MUC17: variants seen among roughly 807,000 people sequenced by gnomAD.
MUC17 encodes mucin 17, cell surface associated.
In MUC17, 190 loss-of-function variants were observed where a neutral mutation model predicts 170.3. The ratio of observed to expected loss-of-function variants is 1.12; its 90% confidence interval spans 0.99 to 1.26. MUC17 has a LOEUF of 1.26. Among genes scored for constraint, MUC17 ranks in the 50% most tolerant of loss-of-function variants. The probability of loss-of-function intolerance (pLI) is 0.00; values close to 1 mark genes in which losing one functional copy is unlikely to be tolerated. For missense variants in MUC17, 6,415 were observed against 5,530.0 expected (o/e 1.16, Z -5.08); for synonymous variants, 2,325 against 2,002.5 (o/e 1.16, Z -4.30).
Position 101,034,657 on chromosome 7 carries a change from T to C in MUC17, c.3241T>C (p.Ser1081Pro). Reference protein sequence around the residue: ...TPVTTYSQASSSSTTADGTSM... With the variant: ...TPVTTYSQASPSSTTADGTSM... Reference sequence around the variant, plus strand: ...TGTGACCACTTATTCTCAAGCCAGTTCATCTTCTACAACTGCTGACGGTAC... The same window carrying C: ...TGTGACCACTTATTCTCAAGCCAGTCCATCTTCTACAACTGCTGACGGTAC... The change falls in exon 3 of 13, where the codon TCA becomes CCA. Residue 1081 changes from serine (S) to proline (P), a missense_variant. Physicochemically the swap from Ser to Pro is moderately conservative, Grantham distance 74. Coordinates refer to ENST00000306151, the MANE Select transcript of MUC17 (RefSeq NM_001040105.2). The C allele has an allele frequency of 6.2e-7, 1 of 1,607,006 alleles. No homozygotes were observed. Among genetic ancestry groups the C allele is most frequent in the East Asian group, 2.3e-5 (1 of 44,432 alleles).
chr7:101,035,812 C>T lies in MUC17; in HGVS notation c.4396C>T (p.Pro1466Ser). 2 of 1,603,244 alleles carry T rather than the reference C, an allele frequency of 1.2e-6. No individual in the cohort carries two copies. The highest frequency in any genetic ancestry group is 1.7e-6 in the Non-Finnish European group (2 of 1,174,222). The stretch of plus-strand genomic sequence containing the variant: ...AAAAAGTATACCTGTCAGCAACACG[C>T]CGGTGGCCAATTCTGAGGCTAGCAC... ...PLKSIPVSNTPVANSEASTLS... is the reference protein window; with the variant it reads ...PLKSIPVSNTSVANSEASTLS... The change falls in exon 3 of 13, where the codon CCG becomes TCG. Residue 1466 changes from proline to serine, a missense_variant. Pro to Ser is a moderately conservative substitution (Grantham distance 74, BLOSUM62 -1). Coordinates refer to ENST00000306151, the MANE Select transcript of MUC17 (RefSeq NM_001040105.2).
chr7:101,042,449 C>T lies in MUC17; in HGVS notation c.11033C>T (p.Thr3678Ile), dbSNP rs1794743307. 6.2e-7 allele frequency: 1 copy of T among 1,614,082 alleles called. No homozygotes were observed. The highest frequency in any genetic ancestry group is 8.5e-7 in the Non-Finnish European group (1 of 1,179,964). ...ACCCAAGTCAGTTCATCTCCTGTGACTCCTGAAGGTACCACCATGCCAATC... is the reference window on the plus strand; with the variant it reads ...ACCCAAGTCAGTTCATCTCCTGTGATTCCTGAAGGTACCACCATGCCAATC... Reference protein sequence around the residue: ...TSTQVSSSPVTPEGTTMPIWT... With the variant: ...TSTQVSSSPVIPEGTTMPIWT... Residue 3678 changes from threonine (T) to isoleucine (I), a missense_variant, in exon 3 of 13, where the codon ACT (threonine) becomes ATT (isoleucine). Transcript: ENST00000306151.
In MUC17 at chr7:101,043,668, G is replaced by A; in HGVS notation, c.12252G>A (p.Val4084=). Residue 4084 remains valine (V), a synonymous_variant, in exon 3 of 13, where the codon GTG becomes GTA. Transcript: ENST00000306151. ...PPTTSASSTT[V]NPEAVTTMTT... ...CAACCTCTGCCTCCTCCACGACTGT[G>A]AACCCTGAGGCTGTCACCACCATGA... is the stretch of plus-strand genomic sequence containing the variant. 1 of 1,613,968 alleles carries A rather than the reference G, an allele frequency of 6.2e-7. No individual in the cohort carries two copies. The highest frequency in any genetic ancestry group is 8.5e-7 in the Non-Finnish European group (1 of 1,180,004).
Position 101,033,018 on chromosome 7 carries a change from T to G in MUC17, c.1602T>G (p.Thr534=). ...ASSEASTLST[T]PVDTSTPVTT... ...CTGAGGCTAGCACCCTTTCAACAACTCCTGTTGACACCAGCACACCTGTGA... is the reference window on the plus strand; with the variant it reads ...CTGAGGCTAGCACCCTTTCAACAACGCCTGTTGACACCAGCACACCTGTGA... Residue 534 remains threonine, a synonymous_variant, in exon 3 of 13, where the codon ACT becomes ACG. Coordinates refer to ENST00000306151, the MANE Select transcript of MUC17 (RefSeq NM_001040105.2). 1 of 1,613,714 alleles carries G rather than the reference T, an allele frequency of 6.2e-7. No individual in the cohort carries two copies. Among genetic ancestry groups the G allele is most frequent in the Non-Finnish European group, 8.5e-7 (1 of 1,179,982 alleles).
chr7:101,026,158 T>C (rs889783271), intron 1 of MUC17, among the ~76,000 whole-genome samples: 8 of 152,158 alleles, frequency 5.3e-5, no homozygotes, highest in Non-Finnish European at 1.2e-4. Flanking sequence ...TCCCACCTCT[T>C]AGGGGTCAGT....
rs142381993 is a variant in MUC17 at position 101,045,640 on chromosome 7, G to A, written c.12403+1821G>A. ...ACTCCTGTCCTCAGGTGATCCACCCGCCTCAGCTTCCCAAAGTGTTAGGAT... is the reference window on the plus strand; with the variant it reads ...ACTCCTGTCCTCAGGTGATCCACCCACCTCAGCTTCCCAAAGTGTTAGGAT... On this transcript the variant is annotated intron_variant, in intron 3 of 12. Coordinates refer to ENST00000306151, the MANE Select transcript of MUC17 (RefSeq NM_001040105.2). Among the ~76,000 whole-genome samples, 438 of 152,186 alleles carry A rather than the reference G, an allele frequency of 2.9e-3. 4 individuals are homozygous for A. The highest frequency in any genetic ancestry group is 9.9e-3 in the African/African-American group (410 of 41,542).
chr7:101,045,105 CAT>C (rs1794815196), intron 3 of MUC17, among the ~76,000 whole-genome samples: 1 of 152,168 alleles, frequency 6.6e-6, no homozygotes, highest in African/African-American at 2.4e-5. Flanking sequence ...TTATATGAAT[CAT>C]GTAATATACT....
rs1794485111 is a variant in MUC17 at position 101,036,526 on chromosome 7, A to G, written c.5110A>G (p.Ser1704Gly). ...SITVRTTPVA[S>G]SAISTLSTTP... is the part of the protein sequence containing the mutation. The stretch of plus-strand genomic sequence containing the variant: ...AACTGTCAGAACAACACCGGTGGCC[A>G]GCTCTGCAATCAGCACCCTTTCAAC... The change falls in exon 3 of 13, where the codon AGC becomes GGC. Residue 1704 changes from serine (S) to glycine (G), a missense_variant. By Grantham distance (56) the Ser-to-Gly change is moderately conservative. Coordinates refer to ENST00000306151, the MANE Select transcript of MUC17 (RefSeq NM_001040105.2). 11 of 1,610,778 alleles carry G rather than the reference A, an allele frequency of 6.8e-6. No homozygotes were observed. The East Asian group carries it at 2.5e-4, about 36-fold the overall frequency.
Position 101,038,619 on chromosome 7 carries a change from T to TG in MUC17, c.7204dup (p.Val2402GlyfsTer12). ...GTGAAGGAAGCACTCCACTAACAAG[T>TG]GTGCCTGTCAGCACCATGCCGGTGG... is the stretch of plus-strand genomic sequence containing the variant. On this transcript the variant is annotated frameshift_variant, in exon 3 of 13. Coordinates refer to ENST00000306151, the MANE Select transcript of MUC17 (RefSeq NM_001040105.2). LOFTEE classifies it high-confidence loss of function. 1 of 1,614,144 alleles carries TG rather than the reference T, an allele frequency of 6.2e-7. No homozygotes were observed. The highest frequency in any genetic ancestry group is 8.5e-7 in the Non-Finnish European group (1 of 1,180,028).
rs146463150 is a variant in MUC17, at chr7:101,022,741, G to T, written c.82+2524G>T. Among the ~76,000 whole-genome samples the T allele has an allele frequency of 3.7e-3, 561 of 152,186 alleles. 4 individuals carry two copies. The highest frequency in any genetic ancestry group is 0.013 in the African/African-American group (530 of 41,534). On this transcript the variant is annotated intron_variant, in intron 1 of 12. Coordinates refer to ENST00000306151, the MANE Select transcript of MUC17 (RefSeq NM_001040105.2). The stretch of plus-strand genomic sequence containing the variant: ...TGAGGTGGGAGGACTGCTTGAGCCT[G>T]GGAGGTCGAGGCTGCAGTGAGCTGT...
rs180799111 is a variant in MUC17, at chr7:101,036,603, A to T, written c.5187A>T (p.Ser1729=). The T allele has an allele frequency of 6.2e-7, 1 of 1,612,002 alleles. No individual in the cohort carries two copies. The highest frequency in any genetic ancestry group is 1.3e-5 in the African/African-American group (1 of 74,376). The change falls in exon 3 of 13, where the codon TCA becomes TCT. Residue 1729 remains serine, a synonymous_variant. Transcript: ENST00000306151. ...TPVTTSTEAR[S]SPTTSEGTSM... ...TGACCACTTCTACTGAAGCCCGTTC[A>T]TCTCCTACAACTTCTGAAGGTACCA... is the stretch of plus-strand genomic sequence containing the variant.
At chr7:101,054,291 C>T (rs1795011097) in intron 11 of MUC17, among the ~76,000 whole-genome samples, 1 of 152,026 alleles carries the variant, frequency 6.6e-6, no homozygotes, top group Non-Finnish European at 1.5e-5. Context: ...CTCTAGTGCA[C>T]AGATTAGTGC....
Position 101,038,609 on chromosome 7 carries a change from C to G in MUC17, c.7193C>G (p.Pro2398Arg). The change falls in exon 3 of 13, where the codon CCA becomes CGA. Residue 2398 changes from proline to arginine, a missense_variant. Physicochemically the swap from Pro to Arg is moderately radical, Grantham distance 103. Transcript: ENST00000306151. ...TCAACTTATAGTGAAGGAAGCACTC[C>G]ACTAACAAGTGTGCCTGTCAGCACC... ...PTSTYSEGST[P>R]LTSVPVSTMP... The G allele has an allele frequency of 6.2e-7, 1 of 1,614,010 alleles. No homozygotes were observed. Among genetic ancestry groups the G allele is most frequent in the Non-Finnish European group, 8.5e-7 (1 of 1,179,972 alleles).
In MUC17 at chr7:101,050,583, G is replaced by GA. The variant is rs767855297; in HGVS notation, c.12826dup (p.Ile4276AsnfsTer12). On this transcript the variant is annotated frameshift_variant, in exon 7 of 13. Coordinates refer to ENST00000306151, the MANE Select transcript of MUC17 (RefSeq NM_001040105.2). LOFTEE classifies it high-confidence loss of function. ...ACAATGCCACCGAAGTAGTGAAAGA[G>GA]AAAATCACAAAAGTGACCACACAGC... The GA allele has an allele frequency of 1.7e-5, 28 of 1,614,152 alleles. No homozygotes were observed. Among genetic ancestry groups the GA allele is most frequent in the Non-Finnish European group, 2.3e-5 (27 of 1,180,008 alleles).
At chr7:101,027,739 G>T (rs563255886) in intron 1 of MUC17, among the ~76,000 whole-genome samples, 12 of 151,934 alleles carry the variant, frequency 7.9e-5, no homozygotes, top group Non-Finnish European at 1.3e-4. Flanking sequence ...GCTGCTTAAA[G>T]TTGTCCCAAC....
At chr7:101,056,417 A>C in intron 12 of MUC17, 147 bp downstream of exon 12, 20 of 1,300,954 alleles carry the variant, frequency 1.5e-5, no homozygotes, top group Non-Finnish European at 2.1e-5. Flanking sequence ...TACTGCCAGG[A>C]AACAAGCCTA....
In MUC17 at chr7:101,056,220, A is replaced by G; in HGVS notation, c.13390A>G (p.Ile4464Val). Residue 4464 changes from isoleucine (I) to valine (V), a missense_variant, in exon 12 of 13, where the codon ATC becomes GTC. Transcript: ENST00000306151. The part of the protein sequence containing the change: ...QDDDSIHLES[I>V]YSNFQPSLRH... The stretch of plus-strand genomic sequence containing the variant: ...TGATGATTCCATCCACCTGGAGTCC[A>G]TCTATAGTAATTTCCAGCCCTCCTT... 1 of 1,613,996 alleles carries G rather than the reference A, an allele frequency of 6.2e-7. No individual in the cohort carries two copies. Among genetic ancestry groups the G allele is most frequent in the Non-Finnish European group, 8.5e-7 (1 of 1,179,932 alleles).
intron 1 of MUC17, among the ~76,000 whole-genome samples, chr7:101,026,180 T>C (rs1391976069): frequency 6.6e-6 from 1 of 152,188 alleles, no homozygotes; most frequent in African/African-American, 2.4e-5. Context: ...GATCAGGGCC[T>C]ACCGGGCACA....
At chr7:101,030,425 A>T (rs1399296893) in intron 1 of MUC17, among the ~76,000 whole-genome samples, 1 of 151,824 alleles carries the variant, frequency 6.6e-6, no homozygotes, top group East Asian at 1.9e-4. Context: ...GGGTTTTGCC[A>T]TGTTGGCCAG....
Sources: allele counts gnomAD v4.1 joint callset (sites outside exome capture counted in the v4.1 genomes callset), GRCh38; gene constraint gnomAD v4.1.1; transcripts MANE v1.5; gene names NCBI Gene and HGNC (gene_info 2026-07-23, HGNC 2026-07-21).